JMJD1C: variants seen among roughly 807,000 people sequenced by gnomAD.
JMJD1C encodes the protein jumonji domain containing 1C, also known as jumonji domain-containing protein 1C.
JMJD1C carries 31 observed loss-of-function variants against 245.3 expected under a neutral mutation model. That is an observed-to-expected ratio of 0.13 (90% CI 0.09 to 0.17). JMJD1C has a LOEUF of 0.17. Ranked by LOEUF, JMJD1C falls within the 10% of genes least tolerant of loss-of-function variation. The pLI, the probability that JMJD1C is intolerant of heterozygous loss-of-function variation, is 1.00. For synonymous variants in JMJD1C, 1,057 were observed against 1,017.4 expected, an observed-to-expected ratio of 1.04 and a Z score of -0.74; for missense variants, 2,691 against 3,000.2, an observed-to-expected ratio of 0.90 and a Z score of 2.41.
chr10:63,179,176 G>A (rs1314203069), intron 22 of JMJD1C, among the ~76,000 whole-genome samples: 1 of 152,052 alleles, frequency 6.6e-6, no homozygotes, highest in African/African-American at 2.4e-5. Context: ...TTGGGAGGCC[G>A]AGGCAGGCGG....
At chr10:63,200,960 T>C (rs1845939834) in intron 10 of JMJD1C, among the ~76,000 whole-genome samples, 1 of 152,204 alleles carries the variant, frequency 6.6e-6, no homozygotes, top group African/African-American at 2.4e-5. Flanking sequence ...TAAATATCAT[T>C]CATGTATGTA....
At chr10:63,312,130 G>C (rs913096950) in intron 2 of JMJD1C, among the ~76,000 whole-genome samples, 1 of 124,214 alleles carries the variant, frequency 8.1e-6, no homozygotes, top group African/African-American at 3.0e-5. Context: ...TGTGTGAGAC[G>C]AAGTTTCGCT....
intron 3 of JMJD1C, among the ~76,000 whole-genome samples, chr10:63,243,980 G>A (rs1303683201): frequency 1.3e-5 from 2 of 152,106 alleles, no homozygotes; most frequent in Admixed American, 6.6e-5. Flanking sequence ...TAAGATCAAG[G>A]TGGACAACCA....
chr10:63,184,594 G>GA lies in JMJD1C; in HGVS notation c.6961+13dup. On this transcript the variant is annotated intron_variant, in intron 21 of 25. Transcript: ENST00000399262. Reference sequence around the variant, plus strand: ...TATAATTCCTACATGGGAGAAATGTGAATATATACCTACCATAGGCACTGC... The same window carrying GA: ...TATAATTCCTACATGGGAGAAATGTGAAATATATACCTACCATAGGCACTGC... 6.3e-7 allele frequency: 1 copy of GA among 1,584,334 alleles called. No individual in the cohort carries two copies. The highest frequency in any genetic ancestry group is 1.2e-5 in the South Asian group (1 of 85,790).
At chr10:63,331,411 C>G (rs1030318377) in intron 2 of JMJD1C, among the ~76,000 whole-genome samples, 2 of 152,156 alleles carry the variant, frequency 1.3e-5, no homozygotes, top group East Asian at 3.9e-4. Flanking sequence ...AATTACATTT[C>G]CAATACATTC....
chr10:63,307,237 A>T (rs1019963218), intron 2 of JMJD1C, among the ~76,000 whole-genome samples: 1 of 152,218 alleles, frequency 6.6e-6, no homozygotes, highest in Admixed American at 6.5e-5. Flanking sequence ...AGATTTACAA[A>T]AATAGTTAAC....
At chr10:63,484,000 A>G (rs1953905416) in intron 1 of JMJD1C, among the ~76,000 whole-genome samples, 1 of 152,342 alleles carries the variant, frequency 6.6e-6, no homozygotes, top group Admixed American at 6.5e-5. Context: ...AATAATCTGA[A>G]TACATATTAT....
chr10:63,417,709 T>C (rs564393246), intron 1 of JMJD1C, among the ~76,000 whole-genome samples: 4 of 152,302 alleles, frequency 2.6e-5, no homozygotes, highest in Non-Finnish European at 4.4e-5. Flanking sequence ...TCCATCATAT[T>C]GTATATGTTA....
intron 2 of JMJD1C, among the ~76,000 whole-genome samples, chr10:63,355,979 T>C (rs1027050276): frequency 7.2e-5 from 11 of 152,230 alleles, no homozygotes; most frequent in African/African-American, 2.4e-4. Context: ...ATTACTCATA[T>C]GTTCTTCAAA....
At chr10:63,380,722 C>T (rs1173946356) in intron 1 of JMJD1C, among the ~76,000 whole-genome samples, 1 of 152,192 alleles carries the variant, frequency 6.6e-6, no homozygotes, top group African/African-American at 2.4e-5. Context: ...TAAATTATTG[C>T]TAACTATGGT....
At chr10:63,330,390 A>AAATGGT (rs1942017870) in intron 2 of JMJD1C, among the ~76,000 whole-genome samples, 1 of 152,234 alleles carries the variant, frequency 6.6e-6, no homozygotes, top group African/African-American at 2.4e-5. Context: ...TAAAAGAAGA[A>AAATGGT]AATGGTATCT....
intron 1 of JMJD1C, among the ~76,000 whole-genome samples, chr10:63,399,057 G>A (rs1417342649): frequency 6.6e-6 from 1 of 152,154 alleles, no homozygotes; most frequent in African/African-American, 2.4e-5. Context: ...AAATCGGTTG[G>A]TATCCTGACT....
At chr10:63,179,954 A>G (rs1047000989) in intron 22 of JMJD1C, among the ~76,000 whole-genome samples, 2 of 152,164 alleles carry the variant, frequency 1.3e-5, no homozygotes, top group African/African-American at 4.8e-5. Context: ...TTGTGACAGT[A>G]ATGTCTATTT....
At chr10:63,265,122 C>CT (rs145181254) in intron 2 of JMJD1C, among the ~76,000 whole-genome samples, 11,778 of 148,118 alleles carry the variant, frequency 0.08, 672 homozygotes, top group East Asian at 0.29. Flanking sequence ...TTACCCCCAC[C>CT]TTTTTTTTTT....
At chr10:63,318,695 T>C (rs7899715) in intron 2 of JMJD1C, among the ~76,000 whole-genome samples, 130,638 of 152,056 alleles carry the variant, frequency 0.86, 56,819 homozygotes, top group African/African-American at 0.96. Context: ...AAAGTTTCTT[T>C]GGCATAGATA....
rs943828353 is a variant in JMJD1C, at chr10:63,460,642, G to C, written c.168+4853C>G. 3.3e-5 allele frequency among the ~76,000 whole-genome samples: 5 copies of C among 152,066 alleles called. No homozygotes were observed. In the South Asian group the frequency reaches 6.2e-4, roughly 19 times the overall value. On this transcript the variant is annotated intron_variant, in intron 1 of 25. Transcript: ENST00000399262. ...GGACACCTAAGTAAATGCTAGGTAC[G>C]GTACTAAATATGTGAAGATGACAGA... is the stretch of plus-strand genomic sequence containing the variant.
chr10:63,245,413 G>A (rs568772041), intron 3 of JMJD1C, among the ~76,000 whole-genome samples: 2 of 150,566 alleles, frequency 1.3e-5, no homozygotes, highest in African/African-American at 4.9e-5. Flanking sequence ...AGAAGGCAAG[G>A]AGGAGCAAGT....
chr10:63,233,728 TA>T (rs1397189221), intron 3 of JMJD1C, among the ~76,000 whole-genome samples: 4 of 109,078 alleles, frequency 3.7e-5, no homozygotes, highest in African/African-American at 2.6e-4. Flanking sequence ...ATACATATTA[TA>T]TATATATATA....
intron 1 of JMJD1C, among the ~76,000 whole-genome samples, chr10:63,386,840 G>C (rs971859644): frequency 6.6e-6 from 1 of 152,136 alleles, no homozygotes; most frequent in Admixed American, 6.5e-5. Context: ...TGGCACCCAA[G>C]CAAGCTGCCT....
Sources: gnomAD v4.1 joint callset for allele counts (sites outside exome capture counted in the v4.1 genomes callset) on GRCh38, gnomAD v4.1.1 for gene constraint, MANE v1.5 for transcripts, NCBI Gene and HGNC (gene_info 2026-07-23, HGNC 2026-07-21) for gene names.